The following IQCK variants were observed in gnomAD, a reference collection of about 807,000 sequenced individuals.
The protein encoded by IQCK is IQ motif containing K, also known as IQ domain-containing protein K.
A neutral mutation model predicts 28.1 loss-of-function variants in IQCK; 29 were observed. The observed-to-expected ratio is 1.03, with a 90% confidence interval of 0.77 to 1.41. IQCK has a LOEUF of 1.41. IQCK is among the 40% of genes most tolerant of loss of function. The probability of loss-of-function intolerance (pLI) is 0.00; values close to 1 mark genes in which losing one functional copy is unlikely to be tolerated. For missense variants in IQCK, 359 were observed against 314.7 expected, an observed-to-expected ratio of 1.14 and a Z score of -1.07; for synonymous variants, 113 against 115.1, an observed-to-expected ratio of 0.98 and a Z score of 0.12.
chr16:19,837,190 C>A (rs2056309357), intron 9 of IQCK, among the ~76,000 whole-genome samples: 1 of 152,024 alleles, frequency 6.6e-6, no homozygotes, highest in South Asian at 2.1e-4. Context: ...CACTCGAGAG[C>A]CCAGGAGTTC....
At chr16:19,813,853 G>C (rs998615781) in intron 7 of IQCK, among the ~76,000 whole-genome samples, 1 of 152,096 alleles carries the variant, frequency 6.6e-6, no homozygotes, top group African/African-American at 2.4e-5. Flanking sequence ...GGAGGAGGCT[G>C]GACAGCCTTT....
rs181570416 is a variant in IQCK at position 19,765,772 on chromosome 16, G to A, written c.605+1660G>A. Among the ~76,000 whole-genome samples, 254 of 151,886 alleles carry A rather than the reference G, an allele frequency of 1.7e-3. 2 individuals are homozygous for A. Among genetic ancestry groups the A allele is most frequent in the African/African-American group, 5.7e-3 (238 of 41,434 alleles). On this transcript the variant is annotated intron_variant, in intron 6 of 7. Coordinates refer to ENST00000564186, the Ensembl canonical transcript of IQCK. The stretch of plus-strand genomic sequence containing the variant: ...TTCAAACCTGTGCCTGATTTTATCC[G>A]CTATGAAATGTATAGCCCAAAATTT...
At chr16:19,837,229 T>C (rs968445771) in intron 9 of IQCK, among the ~76,000 whole-genome samples, 1 of 151,840 alleles carries the variant, frequency 6.6e-6, no homozygotes, top group Non-Finnish European at 1.5e-5. Context: ...ACAGAGAGAC[T>C]ATCTCTACAA....
At chr16:19,767,558 A>G (rs2055257434) in intron 6 of IQCK, among the ~76,000 whole-genome samples, 1 of 151,796 alleles carries the variant, frequency 6.6e-6, no homozygotes, top group Non-Finnish European at 1.5e-5. Flanking sequence ...TCCTCTCAAC[A>G]TCCTCTCCGT....
chr16:19,855,023 A>G (rs2056538702), intron 9 of IQCK, among the ~76,000 whole-genome samples: 1 of 152,236 alleles, frequency 6.6e-6, no homozygotes, highest in African/African-American at 2.4e-5. Context: ...TACAATGATT[A>G]GTAGTACGCA....
intron 7 of IQCK, among the ~76,000 whole-genome samples, chr16:19,803,512 A>G (rs1341272526): frequency 6.6e-6 from 1 of 152,156 alleles, no homozygotes; most frequent in Non-Finnish European, 1.5e-5. Context: ...CCACTGATGT[A>G]TTGGAATTGA....
intron 7 of IQCK, among the ~76,000 whole-genome samples, chr16:19,809,789 G>A (rs1303282971): frequency 6.6e-6 from 1 of 152,104 alleles, no homozygotes; most frequent in Non-Finnish European, 1.5e-5. Flanking sequence ...ACAGCCGATG[G>A]GCCCCACCCC....
chr16:19,811,540 T>C (rs1179752920), intron 7 of IQCK, among the ~76,000 whole-genome samples: 1 of 152,126 alleles, frequency 6.6e-6, no homozygotes, highest in African/African-American at 2.4e-5. Context: ...TAACAAAAAA[T>C]AGGTGTGGCT....
intron 9 of IQCK, among the ~76,000 whole-genome samples, chr16:19,837,987 T>C (rs939415817): frequency 6.6e-6 from 1 of 152,268 alleles, no homozygotes; most frequent in Non-Finnish European, 1.5e-5. Context: ...ATTTACCAGC[T>C]ACATGGACCT....
chr16:19,821,968 A>G (rs1247241546), intron 7 of IQCK, among the ~76,000 whole-genome samples: 1 of 143,272 alleles, frequency 7.0e-6, no homozygotes, highest in Non-Finnish European at 1.5e-5. Flanking sequence ...GTCCCAGCTG[A>G]GGTGAGAGGA....
chr16:19,733,952 GTTTTAT>G, intron 3 of IQCK, 125 bp downstream of exon 3: 2 of 872,720 alleles, frequency 2.3e-6, no homozygotes, highest in Non-Finnish European at 3.4e-6. Flanking sequence ...ATGTGTTCTT[GTTTTAT>G]TTTTAAGAGA....
intron 7 of IQCK, among the ~76,000 whole-genome samples, chr16:19,805,918 A>C (rs1320269292): frequency 6.6e-6 from 1 of 151,396 alleles, no homozygotes; most frequent in Non-Finnish European, 1.5e-5. Context: ...ATGAACTCAT[A>C]GGGGTGTGGA....
At chr16:19,736,939 G>A (rs1443974881) in intron 4 of IQCK, among the ~76,000 whole-genome samples, 1 of 151,138 alleles carries the variant, frequency 6.6e-6, no homozygotes, top group Non-Finnish European at 1.5e-5. Context: ...TCTGAGCCCA[G>A]GAGTTCGAGA....
chr16:19,829,446 C>G (rs1462170241), downstream of IQCK, among the ~76,000 whole-genome samples: 1 of 152,040 alleles, frequency 6.6e-6, no homozygotes, highest in Non-Finnish European at 1.5e-5. Context: ...AAGCGATTCT[C>G]ATGCCTCAGC....
At chr16:19,814,174 C>T (rs1357588344) in intron 7 of IQCK, among the ~76,000 whole-genome samples, 2 of 138,550 alleles carry the variant, frequency 1.4e-5, no homozygotes, top group Non-Finnish European at 3.0e-5. Context: ...GAGCCGAGAT[C>T]GTGCCATTGC....
chr16:19,809,662 A>G (rs1471348715), intron 7 of IQCK, among the ~76,000 whole-genome samples: 1 of 152,238 alleles, frequency 6.6e-6, no homozygotes, highest in East Asian at 1.9e-4. Context: ...TTCAATGAGA[A>G]GCACGACAAT....
At chr16:19,854,888 G>A (rs1349781767) in intron 9 of IQCK, among the ~76,000 whole-genome samples, 1 of 152,064 alleles carries the variant, frequency 6.6e-6, no homozygotes, top group Non-Finnish European at 1.5e-5. Flanking sequence ...TTTCACTGTG[G>A]TTGCCCATAG....
intron 6 of IQCK, among the ~76,000 whole-genome samples, chr16:19,780,430 C>G (rs2055463825): frequency 6.6e-6 from 1 of 152,142 alleles, no homozygotes; most frequent in South Asian, 2.1e-4. Context: ...CTTGGCCTCT[C>G]TAAGTGCTGG....
At chr16:19,812,739 G>T (rs1285047309) in intron 7 of IQCK, among the ~76,000 whole-genome samples, 1 of 152,132 alleles carries the variant, frequency 6.6e-6, no homozygotes, top group Non-Finnish European at 1.5e-5. Flanking sequence ...ATCCCCAAGA[G>T]TGGCAATTTG....
Sources: allele counts gnomAD v4.1 joint callset (sites outside exome capture counted in the v4.1 genomes callset), GRCh38; gene constraint gnomAD v4.1.1; transcripts MANE v1.5; gene names NCBI Gene and HGNC (gene_info 2026-07-23, HGNC 2026-07-21).